Variants in MYO16 observed in about 807,000 individuals in gnomAD.
The protein encoded by MYO16 is unconventional myosin-XVI.
Under a neutral mutation model 205.3 loss-of-function variants are expected in MYO16, and 94 were observed. The ratio of observed to expected loss-of-function variants is 0.46; its 90% confidence interval spans 0.39 to 0.54. The LOEUF is 0.54. Among genes scored for constraint, MYO16 ranks in the 20% least tolerant of loss-of-function variants. MYO16 has a pLI of 0.00. For synonymous variants in MYO16, 988 were observed against 954.0 expected (o/e 1.04, Z -0.66); for missense variants, 2,315 against 2,387.5 (o/e 0.97, Z 0.63).
At chr13:109,019,436 G>T (rs928878248) in intron 22 of MYO16, among the ~76,000 whole-genome samples, 1 of 152,052 alleles carries the variant, frequency 6.6e-6, no homozygotes, top group Non-Finnish European at 1.5e-5. Flanking sequence ...AGATGAAAAT[G>T]TACTTTTTAA....
At chr13:108,753,383 A>AACAAAAAAAAAAAC (rs1885313370) in intron 4 of MYO16, among the ~76,000 whole-genome samples, 4 of 147,726 alleles carry the variant, frequency 2.7e-5, no homozygotes, top group African/African-American at 1.1e-4. Context: ...AAAAAAAAAA[A>AACAAAAAAAAAAAC]AAAAAAAAAA....
At chr13:108,985,095 C>T (rs1884580720) in intron 20 of MYO16, among the ~76,000 whole-genome samples, 1 of 152,148 alleles carries the variant, frequency 6.6e-6, no homozygotes, top group Admixed American at 6.5e-5. Context: ...TACAATGATA[C>T]AGACTCATTT....
chr13:108,659,282 T>C, intron 1 of MYO16: 1 of 195,928 alleles, frequency 5.1e-6, no homozygotes. Flanking sequence ...TATATGATAG[T>C]ATACATATAT....
At chr13:108,648,725 A>T (rs1336309551) in intron 1 of MYO16, among the ~76,000 whole-genome samples, 1 of 152,092 alleles carries the variant, frequency 6.6e-6, no homozygotes, top group Non-Finnish European at 1.5e-5. Context: ...TTTATATTAC[A>T]CGAGTCACTT....
At chr13:108,599,536 C>T (rs929188453) in intron 1 of MYO16, among the ~76,000 whole-genome samples, 1 of 152,104 alleles carries the variant, frequency 6.6e-6, no homozygotes, top group African/African-American at 2.4e-5. Flanking sequence ...ATTCAAGTAT[C>T]AGTCATAGGT....
chr13:108,996,055 A>G (rs1483759939), intron 21 of MYO16, among the ~76,000 whole-genome samples: 1 of 152,198 alleles, frequency 6.6e-6, no homozygotes, highest in East Asian at 1.9e-4. Flanking sequence ...CTAGAAATAC[A>G]GTTTGACCCA....
chr13:108,802,608 G>A (rs547076324), intron 6 of MYO16, among the ~76,000 whole-genome samples: 1 of 152,246 alleles, frequency 6.6e-6, no homozygotes, highest in East Asian at 1.9e-4. Flanking sequence ...GGGGTTTGTG[G>A]ATCATAAGGT....
the MYO16 span, among the ~76,000 whole-genome samples, chr13:108,552,412 G>A: frequency 4.9e-4 from 75 of 151,924 alleles, no homozygotes; most frequent in African/African-American, 1.5e-3. Context: ...TATTTATTCC[G>A]TCTCTCCTTG....
At chr13:108,945,827 G>A (rs143206101) in intron 16 of MYO16, among the ~76,000 whole-genome samples, 2 of 152,174 alleles carry the variant, frequency 1.3e-5, no homozygotes, top group African/African-American at 4.8e-5. Context: ...AAGATTGCCT[G>A]TAGAGTGTAC....
intron 16 of MYO16, among the ~76,000 whole-genome samples, chr13:108,924,944 G>T (rs1489434530): frequency 6.6e-6 from 1 of 152,142 alleles, no homozygotes; most frequent in African/African-American, 2.4e-5. Flanking sequence ...TATTTTGGTG[G>T]CTAAAACAAA....
chr13:108,970,323 T>C (rs1883961503), intron 20 of MYO16, among the ~76,000 whole-genome samples: 1 of 152,252 alleles, frequency 6.6e-6, no homozygotes, highest in Admixed American at 6.5e-5. Flanking sequence ...TGTTTTCTAA[T>C]GTCCCACCTC....
At chr13:108,832,950 GC>G (rs575156427) in intron 9 of MYO16, among the ~76,000 whole-genome samples, 79 of 152,144 alleles carry the variant, frequency 5.2e-4, no homozygotes, top group Non-Finnish European at 9.6e-4. Context: ...GTCCAGTAGT[GC>G]ACAAAGAGAA....
intron 25 of MYO16, 55 bp downstream of exon 25, chr13:109,052,530 GCTT>G: frequency 3.7e-6 from 5 of 1,368,028 alleles, no homozygotes; most frequent in Non-Finnish European, 5.0e-6. Flanking sequence ...AAGTATATTT[GCTT>G]CTTTTTTTTT....
intron 11 of MYO16, among the ~76,000 whole-genome samples, chr13:108,865,117 G>A (rs1041495853): frequency 5.3e-5 from 8 of 152,092 alleles, no homozygotes; most frequent in Middle Eastern, 3.2e-3. Context: ...CATACTCTGT[G>A]TGACTCAAAT....
chr13:109,165,295 A>T (rs1427867572), intron 33 of MYO16, among the ~76,000 whole-genome samples: 1 of 152,234 alleles, frequency 6.6e-6, no homozygotes, highest in African/African-American at 2.4e-5. Context: ...GTGTTAATCT[A>T]AAAGAACTGG....
In MYO16 at chr13:108,972,380, A is replaced by C. The variant is rs1425822002; in HGVS notation, c.2369+7478A>C. ...TATATATATATATATATATATATATATATATATATATATATATAGTGGCTG... is the reference window on the plus strand; with the variant it reads ...TATATATATATATATATATATATATCTATATATATATATATATAGTGGCTG... On this transcript the variant is annotated intron_variant, in intron 20 of 34. Coordinates refer to ENST00000457511, the MANE Select transcript of MYO16 (RefSeq NM_001198950.3). 4.6e-4 allele frequency among the ~76,000 whole-genome samples: 30 copies of C among 64,640 alleles called. 5 individuals are homozygous for C. The highest frequency in any genetic ancestry group is 2.9e-3 in the East Asian group (6 of 2,090). The allele number at this position is 64,640 out of a possible 152,430, so 42.4% of individuals were successfully genotyped here.
At chr13:108,765,101 C>G (rs1885734852) in intron 4 of MYO16, among the ~76,000 whole-genome samples, 1 of 152,168 alleles carries the variant, frequency 6.6e-6, no homozygotes, top group Admixed American at 6.6e-5. Context: ...TCCACTCTCC[C>G]TCTTCCACAC....
At chr13:108,555,514 A>G in the MYO16 span, among the ~76,000 whole-genome samples, 2 of 152,360 alleles carry the variant, frequency 1.3e-5, no homozygotes, top group African/African-American at 4.8e-5. Context: ...GAAAAGCACA[A>G]GAAAAATATG....
chr13:108,944,016 G>A (rs755987752), intron 16 of MYO16, among the ~76,000 whole-genome samples: 6 of 152,230 alleles, frequency 3.9e-5, no homozygotes, highest in Non-Finnish European at 8.8e-5. Flanking sequence ...AGTTGCGTTA[G>A]CAAATCAGCT....
Sources: allele counts gnomAD v4.1 joint callset (sites outside exome capture counted in the v4.1 genomes callset), GRCh38; gene constraint gnomAD v4.1.1; transcripts MANE v1.5; gene names NCBI Gene and HGNC (gene_info 2026-07-23, HGNC 2026-07-21).